The following GADL1 variants were observed in gnomAD, a reference collection of about 807,000 sequenced individuals.
GADL1 encodes GAD like acidic amino acid decarboxylase 1, also known as acidic amino acid decarboxylase GADL1.
GADL1 carries 71 observed loss-of-function variants against 69.5 expected under a neutral mutation model. The observed-to-expected ratio is 1.02, with a 90% confidence interval of 0.84 to 1.25. The LOEUF is 1.25. Among genes scored for constraint, GADL1 ranks in the 50% most tolerant of loss-of-function variants. GADL1 has a pLI of 0.00. For missense variants in GADL1, 737 were observed against 631.8 expected, an observed-to-expected ratio of 1.17 and a Z score of -1.79; for synonymous variants, 254 against 214.4, an observed-to-expected ratio of 1.18 and a Z score of -1.62.
intron 14 of GADL1, among the ~76,000 whole-genome samples, chr3:30,764,524 G>C (rs929091333): frequency 6.6e-6 from 1 of 152,018 alleles, no homozygotes; most frequent in African/African-American, 2.4e-5. Context: ...CGTACTACTT[G>C]GTCCCTTGTT....
chr3:30,891,683 T>C (rs901222097), intron 1 of GADL1, among the ~76,000 whole-genome samples: 1 of 152,166 alleles, frequency 6.6e-6, no homozygotes, highest in African/African-American at 2.4e-5. Flanking sequence ...ATCATAATAG[T>C]ATCCCCATTG....
At chr3:30,839,222 T>A (rs892283391) in intron 8 of GADL1, 109 bp from the exon 9 acceptor site, 67 of 640,260 alleles carry the variant, frequency 1.0e-4, no homozygotes, top group Non-Finnish European at 2.6e-5. Flanking sequence ...TTTGGGTTTT[T>A]TGGAGGTAGT....
intron 4 of GADL1, among the ~76,000 whole-genome samples, chr3:30,854,308 T>C (rs141593345): frequency 1.6e-3 from 245 of 152,290 alleles, no homozygotes; most frequent in African/African-American, 5.7e-3. Context: ...TTTACATTAA[T>C]TTTTGTGGAC....
Position 30,726,927 on chromosome 3 carries a change from T to C in GADL1, c.*1315A>G, listed in dbSNP as rs1275410186. The C allele has an allele frequency of 2.0e-5, 3 of 152,480 alleles. No homozygotes were observed. The highest frequency in any genetic ancestry group is 4.4e-5 in the Non-Finnish European group (3 of 67,996). 9.4% of individuals were successfully genotyped at this position (152,480 alleles called of 1,614,324 possible). A position where few individuals can be genotyped will look rare whatever the true frequency, so the allele number is the denominator to read the frequency against. On this transcript the variant is annotated 3_prime_UTR_variant, in exon 15 of 15. Transcript: ENST00000282538. ...GTCTGCTGAATCCCAGATTCTGTAA[T>C]ATAAACCACTTAATAATCTATACTG... is the stretch of plus-strand genomic sequence containing the variant.
At chr3:30,816,872 G>A (rs770508088) in intron 11 of GADL1, among the ~76,000 whole-genome samples, 2 of 152,056 alleles carry the variant, frequency 1.3e-5, no homozygotes, top group African/African-American at 2.4e-5. Flanking sequence ...ACAGTTCAGT[G>A]TTTGTCAGAA....
chr3:30,732,143 T>C (rs1354478614), intron 14 of GADL1, among the ~76,000 whole-genome samples: 1 of 152,236 alleles, frequency 6.6e-6, no homozygotes, highest in Non-Finnish European at 1.5e-5. Context: ...CTAGGTAATT[T>C]GGATATTCCT....
At chr3:30,859,203 A>G (rs1484005448) in intron 2 of GADL1, among the ~76,000 whole-genome samples, 64 of 151,900 alleles carry the variant, frequency 4.2e-4, no homozygotes, top group Non-Finnish European at 1.3e-4. Flanking sequence ...GAGATAGGGA[A>G]GTAGCCAGGG....
intron 14 of GADL1, among the ~76,000 whole-genome samples, chr3:30,731,472 G>A (rs747494870): frequency 7.9e-5 from 12 of 152,160 alleles, no homozygotes; most frequent in Non-Finnish European, 1.3e-4. Flanking sequence ...AATCTGTCAC[G>A]TTTGTATTTC....
chr3:30,805,078 G>A (rs187096379), intron 11 of GADL1, among the ~76,000 whole-genome samples: 89 of 152,154 alleles, frequency 5.8e-4, no homozygotes, highest in African/African-American at 2.0e-3. Context: ...CTAACCTAGC[G>A]CACATAATAA....
intron 14 of GADL1, among the ~76,000 whole-genome samples, chr3:30,744,195 T>C (rs1333664414): frequency 6.6e-6 from 1 of 152,202 alleles, no homozygotes; most frequent in Non-Finnish European, 1.5e-5. Flanking sequence ...GAAATCCTGG[T>C]AACTGTTGTT....
chr3:30,784,105 C>T (rs1222884967), intron 13 of GADL1, among the ~76,000 whole-genome samples: 2 of 152,212 alleles, frequency 1.3e-5, no homozygotes, highest in African/African-American at 4.8e-5. Context: ...TTCTCCCATA[C>T]ATGCTTAGCT....
At chr3:30,780,566 A>G (rs1696644167) in intron 13 of GADL1, among the ~76,000 whole-genome samples, 1 of 152,116 alleles carries the variant, frequency 6.6e-6, no homozygotes, top group Non-Finnish European at 1.5e-5. Flanking sequence ...TTCTGAGTGG[A>G]CTCTAATATG....
chr3:30,750,086 C>T (rs572938464), intron 14 of GADL1, among the ~76,000 whole-genome samples: 9 of 152,256 alleles, frequency 5.9e-5, no homozygotes, highest in South Asian at 4.2e-4. Context: ...GTGACTCCTC[C>T]TCCTCTTTCT....
At chr3:30,766,656 T>C (rs973245747) in intron 14 of GADL1, among the ~76,000 whole-genome samples, 2 of 152,218 alleles carry the variant, frequency 1.3e-5, no homozygotes, top group African/African-American at 2.4e-5. Context: ...CAGGTTTTTC[T>C]GACTGCCAAG....
intron 11 of GADL1, among the ~76,000 whole-genome samples, chr3:30,833,459 T>G (rs1697823540): frequency 6.6e-6 from 1 of 152,062 alleles, no homozygotes; most frequent in African/African-American, 2.4e-5. Context: ...AGTATTCAAT[T>G]TAATGTATGA....
intron 1 of GADL1, among the ~76,000 whole-genome samples, chr3:30,868,205 G>A (rs1698431425): frequency 6.6e-6 from 1 of 152,010 alleles, no homozygotes; most frequent in African/African-American, 2.4e-5. Context: ...AATATGTGAA[G>A]ACTTTTTATC....
At chr3:30,731,119 T>C (rs1468067253) in intron 14 of GADL1, among the ~76,000 whole-genome samples, 1 of 152,202 alleles carries the variant, frequency 6.6e-6, no homozygotes, top group Non-Finnish European at 1.5e-5. Context: ...CTGGTTTACA[T>C]GGACCAAATG....
chr3:30,854,207 C>G (rs1010844397), intron 4 of GADL1, among the ~76,000 whole-genome samples: 1 of 151,878 alleles, frequency 6.6e-6, no homozygotes, highest in Non-Finnish European at 1.5e-5. Flanking sequence ...TTGCAGAGCA[C>G]ACTCTCCTGA....
chr3:30,874,409 T>A (rs1303705000), intron 1 of GADL1, among the ~76,000 whole-genome samples: 2 of 151,950 alleles, frequency 1.3e-5, no homozygotes, highest in Non-Finnish European at 1.5e-5. Context: ...CCTGGGTTAT[T>A]CCTCAGCTGA....
Sources: allele counts gnomAD v4.1 joint callset (sites outside exome capture counted in the v4.1 genomes callset), GRCh38; gene constraint gnomAD v4.1.1; transcripts MANE v1.5; gene names NCBI Gene and HGNC (gene_info 2026-07-23, HGNC 2026-07-21).